Variants in CSMD1 observed in about 807,000 individuals in gnomAD.
CSMD1 encodes the protein CUB and Sushi multiple domains 1, also known as CUB and sushi domain-containing protein 1.
In CSMD1, 213 loss-of-function variants were observed where a neutral mutation model predicts 417.5. The ratio of observed to expected loss-of-function variants is 0.51; its 90% CI spans 0.46 to 0.57. The LOEUF (loss-of-function observed/expected upper bound fraction) is 0.57. Ranked by LOEUF, CSMD1 falls within the 20% of genes least tolerant of loss-of-function variation. The pLI is 0.00. For missense variants in CSMD1, 6,923 were observed against 4,529.7 expected, an observed-to-expected ratio of 1.53 and a Z score of -15.17; for synonymous variants, 2,862 against 1,736.8, an observed-to-expected ratio of 1.65 and a Z score of -16.11.
intron 25 of CSMD1, among the ~76,000 whole-genome samples, chr8:3,307,227 C>G (rs1804941166): frequency 4.6e-5 from 7 of 152,000 alleles, no homozygotes; most frequent in Admixed American, 4.6e-4. Flanking sequence ...ATTTGTTCAT[C>G]CCTTGCTGCT....
At chr8:3,863,128 T>A (rs781008429) in intron 5 of CSMD1, among the ~76,000 whole-genome samples, 2 of 152,110 alleles carry the variant, frequency 1.3e-5, no homozygotes, top group Non-Finnish European at 2.9e-5. Flanking sequence ...TCGGGCGCGG[T>A]GGCTAATGCC....
At chr8:4,840,051 C>T (rs1309652721) in intron 1 of CSMD1, among the ~76,000 whole-genome samples, 1 of 126,032 alleles carries the variant, frequency 7.9e-6, no homozygotes, top group Non-Finnish European at 1.8e-5. Context: ...ACAGCTATGG[C>T]TTTCCTCGGT....
At chr8:3,697,542 G>C (rs1241661011) in intron 7 of CSMD1, among the ~76,000 whole-genome samples, 4 of 152,156 alleles carry the variant, frequency 2.6e-5, no homozygotes, top group East Asian at 1.9e-4. Flanking sequence ...TCTGACTTTA[G>C]TTACTCACTA....
chr8:4,342,614 T>C (rs1289676462), intron 3 of CSMD1, among the ~76,000 whole-genome samples: 2 of 152,008 alleles, frequency 1.3e-5, no homozygotes, highest in African/African-American at 2.4e-5. Flanking sequence ...GATGGTAATA[T>C]GATTCACATG....
intron 7 of CSMD1, among the ~76,000 whole-genome samples, chr8:3,630,571 G>C (rs1412986008): frequency 6.6e-6 from 1 of 152,230 alleles, no homozygotes; most frequent in Non-Finnish European, 1.5e-5. Flanking sequence ...AAGAAGGAGA[G>C]GAGGATGTTG....
intron 5 of CSMD1, among the ~76,000 whole-genome samples, chr8:3,908,683 A>T (rs1046202003): frequency 1.3e-5 from 2 of 150,062 alleles, no homozygotes; most frequent in African/African-American, 4.8e-5. Flanking sequence ...AACATGAAAC[A>T]ACTCTGGTGA....
intron 1 of CSMD1, among the ~76,000 whole-genome samples, chr8:4,820,113 C>T (rs527693945): frequency 6.6e-6 from 1 of 152,244 alleles, no homozygotes; most frequent in East Asian, 1.9e-4. Context: ...CAAATCTGAG[C>T]TGGGACAGAG....
chr8:3,880,961 C>T (rs981950965), intron 5 of CSMD1, among the ~76,000 whole-genome samples: 1 of 152,104 alleles, frequency 6.6e-6, no homozygotes, highest in African/African-American at 2.4e-5. Flanking sequence ...GAAAAGACAA[C>T]TGCATTTTTA....
At chr8:3,106,682 C>T (rs748733462) in intron 45 of CSMD1, 41 bp from the exon 46 acceptor site, 3 of 1,272,348 alleles carry the variant, frequency 2.4e-6, no homozygotes, top group Non-Finnish European at 3.4e-6. Flanking sequence ...TTGTGTGTGA[C>T]CTTCTGAGTG....
At chr8:3,641,932 A>G (rs1797326414) in intron 7 of CSMD1, among the ~76,000 whole-genome samples, 1 of 152,170 alleles carries the variant, frequency 6.6e-6, no homozygotes, top group Non-Finnish European at 1.5e-5. Context: ...TTAGCAAAAA[A>G]CACAAGCACT....
chr8:3,463,330 T>A (rs534390120), intron 12 of CSMD1, among the ~76,000 whole-genome samples: 1 of 152,204 alleles, frequency 6.6e-6, no homozygotes. Context: ...GTCATAGACT[T>A]AAGTCAAGCC....
At chr8:2,999,237 C>A (rs1198622005) in intron 53 of CSMD1, among the ~76,000 whole-genome samples, 2 of 150,172 alleles carry the variant, frequency 1.3e-5, no homozygotes, top group African/African-American at 4.9e-5. Context: ...TCACTGCAAC[C>A]TCCATCTCCA....
At chr8:4,223,729 A>G (rs1801182396) in intron 3 of CSMD1, among the ~76,000 whole-genome samples, 1 of 152,220 alleles carries the variant, frequency 6.6e-6, no homozygotes, top group Non-Finnish European at 1.5e-5. Context: ...AAAATGAGGA[A>G]TTTGGGTCAG....
chr8:4,228,762 C>A (rs965424970), intron 3 of CSMD1, among the ~76,000 whole-genome samples: 3 of 152,098 alleles, frequency 2.0e-5, no homozygotes, highest in Non-Finnish European at 4.4e-5. Flanking sequence ...TAGCTCAATG[C>A]AACCTCTGCC....
chr8:4,154,456 T>C (rs1021871702), intron 3 of CSMD1, among the ~76,000 whole-genome samples: 2 of 152,068 alleles, frequency 1.3e-5, no homozygotes, highest in African/African-American at 2.4e-5. Flanking sequence ...TGAAAATCAA[T>C]GGGTATCTGT....
chr8:3,837,814 C>T lies in CSMD1; in HGVS notation c.819-83772G>A, dbSNP rs78092839. Among the ~76,000 whole-genome samples the T allele has an allele frequency of 3.3e-4, 50 of 152,274 alleles. 1 individual carries two copies. The East Asian group carries it at 9.5e-3, about 29-fold the overall frequency. On this transcript the variant is annotated intron_variant, in intron 5 of 69. Coordinates refer to ENST00000635120, the MANE Select transcript of CSMD1 (RefSeq NM_033225.6). Reference sequence around the variant, plus strand: ...ACTATCCACTGACAAAGAACCAGTGCTTCCCTCTCTATAGTCGCAGGAAAT... The same window carrying T: ...ACTATCCACTGACAAAGAACCAGTGTTTCCCTCTCTATAGTCGCAGGAAAT...
intron 5 of CSMD1, among the ~76,000 whole-genome samples, chr8:3,790,448 C>G (rs1192353541): frequency 6.6e-6 from 1 of 151,998 alleles, no homozygotes; most frequent in Non-Finnish European, 1.5e-5. Flanking sequence ...GTGATGATGA[C>G]ACGGTTATGG....
At chr8:4,622,275 C>G (rs1283109218) in intron 2 of CSMD1, among the ~76,000 whole-genome samples, 1 of 151,822 alleles carries the variant, frequency 6.6e-6, no homozygotes, top group Non-Finnish European at 1.5e-5. Context: ...ACTTGCCTGG[C>G]TGAGATTCAG....
intron 18 of CSMD1, among the ~76,000 whole-genome samples, chr8:3,374,007 C>A (rs760550330): frequency 2.2e-4 from 33 of 147,900 alleles, no homozygotes; most frequent in Non-Finnish European, 4.0e-4. Context: ...GGCTGGAGTG[C>A]AGTGGTGAGA....
Sources: gnomAD v4.1 joint callset for allele counts (sites outside exome capture counted in the v4.1 genomes callset) on GRCh38, gnomAD v4.1.1 for gene constraint, MANE v1.5 for transcripts, NCBI Gene and HGNC (gene_info 2026-07-23, HGNC 2026-07-21) for gene names.